NR5A1: variants seen among roughly 807,000 people sequenced by gnomAD.
The protein encoded by NR5A1 is nuclear receptor subfamily 5 group A member 1.
In NR5A1, 6 loss-of-function variants were observed where a neutral mutation model predicts 42.7. The ratio of observed to expected loss-of-function variants is 0.14; its 90% CI spans 0.08 to 0.28. The LOEUF (loss-of-function observed/expected upper bound fraction) is 0.28. Ranked by LOEUF, NR5A1 falls within the 10% of genes least tolerant of loss-of-function variation. The pLI is 1.00. For synonymous variants in NR5A1, 274 were observed against 277.5 expected (o/e 0.99, Z 0.12); for missense variants, 442 against 626.4 (o/e 0.71, Z 3.14).
At chr9:124,504,275 C>A (rs541790360) in intron 1 of NR5A1, among the ~76,000 whole-genome samples, 1 of 152,128 alleles carries the variant, frequency 6.6e-6, no homozygotes, top group African/African-American at 2.4e-5. Flanking sequence ...GCGCCCAGCC[C>A]GAGGGTCGGG....
At chr9:124,490,354 G>A (rs1832288482) in intron 6 of NR5A1, among the ~76,000 whole-genome samples, 1 of 152,174 alleles carries the variant, frequency 6.6e-6, no homozygotes, top group Admixed American at 6.5e-5. Context: ...GAGGGCATTT[G>A]TGATGGCTTT....
At chr9:124,506,806 C>T (rs559993010) in intron 1 of NR5A1, among the ~76,000 whole-genome samples, 55 of 152,286 alleles carry the variant, frequency 3.6e-4, no homozygotes, top group African/African-American at 1.2e-3. Context: ...AGACCTGGCC[C>T]GGCCGCAGAA....
intron 6 of NR5A1, among the ~76,000 whole-genome samples, chr9:124,483,622 C>T (rs762704171): frequency 5.3e-5 from 8 of 152,212 alleles, no homozygotes; most frequent in Non-Finnish European, 7.3e-5. Flanking sequence ...CAACACCATC[C>T]CCCTGGCACG....
Position 124,503,921 on chromosome 9 carries a change from C to T in NR5A1, c.-15-511G>A, listed in dbSNP as rs562558294. On this transcript the variant is annotated intron_variant, in intron 1 of 6. Coordinates refer to ENST00000373588, the MANE Select transcript of NR5A1 (RefSeq NM_004959.5). The surrounding 1 kb of genome is among the most constrained non-coding windows in gnomAD (Gnocchi z 9.6). ...CGACCGACGCCACCGGGCGCAGACA[C>T]GAGGCCAGTCCGAGAGTGCCAGAGA... 1.3e-5 allele frequency among the ~76,000 whole-genome samples: 2 copies of T among 152,068 alleles called. No individual in the cohort carries two copies. The highest frequency in any genetic ancestry group is 4.2e-4 in the South Asian group (2 of 4,806).
rs1832132676 is a variant in NR5A1 at position 124,482,012 on chromosome 9, G to C, written c.*746C>G. ...ACTACAACCTTGCAGATAAATACCA[G>C]CCTGGGAGGGCCACCTCTGGGTGGG... On this transcript the variant is annotated 3_prime_UTR_variant, in exon 7 of 7. Transcript: ENST00000373588. 6.6e-6 allele frequency: 1 copy of C among 152,424 alleles called. No individual in the cohort carries two copies. Among genetic ancestry groups the C allele is most frequent in the African/African-American group, 2.4e-5 (1 of 41,442 alleles). 9.4% of individuals were successfully genotyped at this position (152,424 alleles called of 1,614,324 possible). A position where few individuals can be genotyped will look rare whatever the true frequency, so the allele number is the denominator to read the frequency against.
At chr9:124,506,419 G>C (rs1285927576) in intron 1 of NR5A1, among the ~76,000 whole-genome samples, 1 of 152,170 alleles carries the variant, frequency 6.6e-6, no homozygotes, top group Non-Finnish European at 1.5e-5. Flanking sequence ...CTGGAGGTGG[G>C]GGTCACTGCC....
chr9:124,483,038 C>A, intron 6 of NR5A1, 33 bp from the exon 7 acceptor site: 2 of 1,612,256 alleles, frequency 1.2e-6, no homozygotes, highest in South Asian at 2.2e-5. Context: ...ACCATCGCGT[C>A]ACCATCCATG....
chr9:124,497,555 G>A (rs1441616074), intron 4 of NR5A1, among the ~76,000 whole-genome samples: 1 of 152,164 alleles, frequency 6.6e-6, no homozygotes, highest in African/African-American at 2.4e-5. Context: ...GAGACTCCAG[G>A]ACTCCTCCCG....
In NR5A1 at chr9:124,491,269, G is replaced by A. The variant is rs117825389; in HGVS notation, c.991-41C>T. 370 of 1,529,958 alleles carry A rather than the reference G, an allele frequency of 2.4e-4. No individual in the cohort carries two copies. The East Asian group carries it at 8.1e-3, about 33-fold the overall frequency. 94.8% of individuals were successfully genotyped at this position (1,529,958 alleles called of 1,614,324 possible). A position where few individuals can be genotyped will look rare whatever the true frequency, so the allele number is the denominator to read the frequency against. ...ACGGGGCGGGGGACAGTCAGAGGAC[G>A]TGGGTCCGGGCAGGTGGCTCTCTGA... On this transcript the variant is annotated intron_variant, in intron 5 of 6. Transcript: ENST00000373588.
intron 4 of NR5A1, 122 bp from the exon 5 acceptor site, chr9:124,493,271 T>C: frequency 7.6e-7 from 1 of 1,309,564 alleles, no homozygotes; most frequent in Non-Finnish European, 1.0e-6. Flanking sequence ...AACCTCTCTG[T>C]GCCCATCTAC....
In NR5A1 at chr9:124,500,044, G is replaced by A. The variant is rs573120182; in HGVS notation, c.870+46C>T. On this transcript the variant is annotated intron_variant, in intron 4 of 6. Transcript: ENST00000373588. This position sits in a 1 kb window ranked among gnomAD's most constrained non-coding sequence, Gnocchi z 6.9. ...CAGTCGGGCTAAGGCTTGGGCAGCC[G>A]GGAGGACCATGATGCAGGGCCAGCC... The A allele has an allele frequency of 2.0e-5, 32 of 1,612,616 alleles. No homozygotes were observed. The highest frequency in any genetic ancestry group is 3.3e-5 in the Admixed American group (2 of 60,008).
intron 4 of NR5A1, among the ~76,000 whole-genome samples, chr9:124,495,357 C>T (rs1455241613): frequency 6.6e-6 from 1 of 152,220 alleles, no homozygotes; most frequent in Non-Finnish European, 1.5e-5. Flanking sequence ...AGGCACGGCG[C>T]CCAGTGTGGC....
rs553594366 is a variant in NR5A1, at chr9:124,499,033, G to A, written c.870+1057C>T. Among the ~76,000 whole-genome samples, 3 of 152,338 alleles carry A rather than the reference G, an allele frequency of 2.0e-5. No individual in the cohort carries two copies. In the East Asian group the frequency reaches 5.8e-4, roughly 29 times the overall value. On this transcript the variant is annotated intron_variant, in intron 4 of 6. Coordinates refer to ENST00000373588, the MANE Select transcript of NR5A1 (RefSeq NM_004959.5). ...AAGGCTGCAGTGGCCCCAGCAGTGG[G>A]GGCAACGGGCCCTGCTGTTTACACC...
chr9:124,485,293 C>T (rs542815863), intron 6 of NR5A1, among the ~76,000 whole-genome samples: 19 of 152,168 alleles, frequency 1.2e-4, no homozygotes, highest in Non-Finnish European at 1.5e-4. Context: ...ACCCACTTCT[C>T]CTCCACCCCA....
chr9:124,491,892 A>G (rs896081459), intron 5 of NR5A1, among the ~76,000 whole-genome samples: 5 of 149,834 alleles, frequency 3.3e-5, no homozygotes, highest in African/African-American at 7.3e-5. Context: ...ACAGGCAGGC[A>G]CACACACACA....
chr9:124,491,483 G>A (rs1486959305), intron 5 of NR5A1, among the ~76,000 whole-genome samples: 5 of 152,244 alleles, frequency 3.3e-5, no homozygotes, highest in South Asian at 4.1e-4. Context: ...CGTTCTGCCC[G>A]CGTCCACCCC....
chr9:124,492,681 G>A, intron 5 of NR5A1, among the ~76,000 whole-genome samples: 1 of 152,046 alleles, frequency 6.6e-6, no homozygotes, highest in East Asian at 1.9e-4. Context: ...TAGACGTGGG[G>A]ACTGCCCCCC....
intron 6 of NR5A1, among the ~76,000 whole-genome samples, chr9:124,487,804 A>T (rs923001370): frequency 6.6e-6 from 1 of 152,242 alleles, no homozygotes; most frequent in African/African-American, 2.4e-5. Flanking sequence ...GGGTGGGATC[A>T]GGAGAGGAGA....
chr9:124,504,939 G>T (rs1832532239), intron 1 of NR5A1, among the ~76,000 whole-genome samples: 1 of 148,264 alleles, frequency 6.7e-6, no homozygotes, highest in African/African-American at 2.5e-5. Context: ...GCTCCGAGGC[G>T]CACCTGGGAC....
Sources: allele counts gnomAD v4.1 joint callset (sites outside exome capture counted in the v4.1 genomes callset), GRCh38; gene constraint gnomAD v4.1.1; non-coding constraint Gnocchi (gnomAD v3.1); transcripts MANE v1.5; gene names NCBI Gene and HGNC (gene_info 2026-07-23, HGNC 2026-07-21).